SRFBP1: variants seen among roughly 807,000 people sequenced by gnomAD.
SRFBP1 encodes the protein serum response factor binding protein 1, also known as serum response factor-binding protein 1.
SRFBP1 carries 47 observed loss-of-function variants against 45.5 expected under a neutral mutation model. That is an observed-to-expected ratio of 1.03 (90% CI 0.82 to 1.32). The LOEUF (loss-of-function observed/expected upper bound fraction) is 1.32. Ranked by LOEUF, SRFBP1 falls within the 40% of genes most tolerant of loss-of-function variation. The probability of loss-of-function intolerance (pLI) is 0.00; values close to 1 mark genes in which losing one functional copy is unlikely to be tolerated. For synonymous variants in SRFBP1, 203 were observed against 166.3 expected, an observed-to-expected ratio of 1.22 and a Z score of -1.70; for missense variants, 621 against 484.6, an observed-to-expected ratio of 1.28 and a Z score of -2.64.
At chr5:122,058,147 A>G (rs572992218) in intron 2 of SRFBP1, among the ~76,000 whole-genome samples, 55 of 152,184 alleles carry the variant, frequency 3.6e-4, no homozygotes, top group Non-Finnish European at 6.6e-4. Context: ...TGATAGCATT[A>G]TAGGGTAATA....
At chr5:121,974,563 T>C (rs1326222789) in intron 2 of SRFBP1, among the ~76,000 whole-genome samples, 2 of 151,890 alleles carry the variant, frequency 1.3e-5, no homozygotes, top group African/African-American at 4.8e-5. Context: ...TCCCTTGGGC[T>C]TGTGTGTTTT....
intron 2 of SRFBP1, among the ~76,000 whole-genome samples, chr5:122,040,029 G>A (rs1753749450): frequency 6.6e-6 from 1 of 151,788 alleles, no homozygotes; most frequent in Non-Finnish European, 1.5e-5. Context: ...CCAGTAGCTT[G>A]GTTTATCCAT....
chr5:122,077,336 C>T (rs1295621371), downstream of SRFBP1: 3 of 1,613,388 alleles, frequency 1.9e-6, no homozygotes, highest in Non-Finnish European at 2.5e-6. The surrounding 1 kb of genome is among the most constrained non-coding windows in gnomAD (Gnocchi z 4.9). Flanking sequence ...GTGCTTCCAG[C>T]GGACTTGGGG....
intron 2 of SRFBP1, among the ~76,000 whole-genome samples, chr5:122,048,874 G>A (rs558877944): frequency 6.6e-6 from 1 of 152,234 alleles, no homozygotes; most frequent in South Asian, 2.1e-4. Context: ...TTGTCTTTCT[G>A]TGGGATCAGT....
At chr5:121,983,514 G>C (rs567738590) in intron 3 of SRFBP1, among the ~76,000 whole-genome samples, 145 of 151,840 alleles carry the variant, frequency 9.5e-4, no homozygotes, top group Admixed American at 1.4e-3. Context: ...CACTGTGAGA[G>C]ATAGGACTGT....
At position 122,020,443 on chromosome 5, in the gene SRFBP1, C is replaced by G. The variant is rs1312226622; in HGVS notation, c.708C>G (p.Asn236Lys). Residue 236 changes from asparagine (N) to lysine (K), a missense_variant, in exon 6 of 8, where the codon AAC (asparagine) becomes AAG (lysine). Transcript: ENST00000339397. ...AAACTCTAAGTCAAACCAAAAAAAA[C>G]AAAGGATCTGATAGCTCACTCTCTG... ...KLKTLSQTKK[N>K]KGSDSSLSGN... 1 of 1,613,930 alleles carries G rather than the reference C, an allele frequency of 6.2e-7. No homozygotes were observed. Among genetic ancestry groups the G allele is most frequent in the East Asian group, 2.2e-5 (1 of 44,862 alleles).
chr5:122,013,737 T>A (rs1753140876), intron 4 of SRFBP1, among the ~76,000 whole-genome samples: 1 of 152,176 alleles, frequency 6.6e-6, no homozygotes, highest in South Asian at 2.1e-4. Context: ...ACAAAAAGTC[T>A]GCTAACATTC....
intron 2 of SRFBP1, among the ~76,000 whole-genome samples, chr5:122,047,267 C>G (rs1182592120): frequency 1.3e-5 from 2 of 152,162 alleles, no homozygotes; most frequent in Non-Finnish European, 2.9e-5. Flanking sequence ...CTACATATGT[C>G]TAGCCAGTTT....
At chr5:122,025,226 C>T (rs1239362655) in intron 7 of SRFBP1, among the ~76,000 whole-genome samples, 1 of 151,930 alleles carries the variant, frequency 6.6e-6, no homozygotes, top group Non-Finnish European at 1.5e-5. Context: ...GTTTTTTGTC[C>T]TTGCGATGGT....
At chr5:122,031,287 G>A (rs1753584517), downstream of SRFBP1, among the ~76,000 whole-genome samples, 1 of 152,244 alleles carries the variant, frequency 6.6e-6, no homozygotes, top group African/African-American at 2.4e-5. Context: ...AGGAAAGGGA[G>A]TCTGATATAC....
downstream of SRFBP1, among the ~76,000 whole-genome samples, chr5:122,031,261 A>G (rs183981161): frequency 7.9e-5 from 12 of 152,332 alleles, no homozygotes; most frequent in East Asian, 1.9e-3. Flanking sequence ...TATAGCAACA[A>G]CAGCAAAACC....
rs1005495250 is a variant in SRFBP1 at position 122,070,667 on chromosome 5, A to T, written n.312-4648A>T. The T allele has an allele frequency of 9.8e-5, 71 of 727,712 alleles. 1 individual carries two copies. Among genetic ancestry groups the T allele is most frequent in the Non-Finnish European group, 1.4e-4 (59 of 431,176 alleles). 45.1% of individuals were successfully genotyped at this position (727,712 alleles called of 1,614,324 possible). A position where few individuals can be genotyped will look rare whatever the true frequency, so the allele number is the denominator to read the frequency against. On this transcript the variant is annotated intron_variant and non_coding_transcript_variant, in intron 2 of 2. Transcript: ENST00000504881. ...ATAAATAATATGCTATTATTTGCAA[A>T]TTAAATTTTAAGTTAGTACTTACAA...
intron 1 of SRFBP1, among the ~76,000 whole-genome samples, chr5:121,968,911 G>C (rs775227958): frequency 6.6e-6 from 1 of 152,024 alleles, no homozygotes; most frequent in Non-Finnish European, 1.5e-5. Flanking sequence ...AACAATACTA[G>C]CTCCTAGAAT....
intron 4 of SRFBP1, among the ~76,000 whole-genome samples, chr5:121,999,056 T>C (rs1419458074): frequency 6.6e-6 from 1 of 152,210 alleles, no homozygotes; most frequent in African/African-American, 2.4e-5. Flanking sequence ...TTTTTCTGGT[T>C]TCTTAATGTG....
intron 7 of SRFBP1, among the ~76,000 whole-genome samples, chr5:122,026,033 T>G (rs921509325): frequency 6.6e-6 from 1 of 152,170 alleles, no homozygotes; most frequent in Non-Finnish European, 1.5e-5. Flanking sequence ...GAGGTTGCAG[T>G]GAGCCAAGAT....
intron 2 of SRFBP1, among the ~76,000 whole-genome samples, chr5:121,974,840 T>G (rs1752269192): frequency 1.3e-5 from 2 of 151,918 alleles, no homozygotes; most frequent in Admixed American, 1.3e-4. Flanking sequence ...CATGAATACT[T>G]AGTCTTCAAG....
At chr5:122,029,125 A>G (rs938057349), downstream of SRFBP1, among the ~76,000 whole-genome samples, 10 of 147,428 alleles carry the variant, frequency 6.8e-5, no homozygotes, top group African/African-American at 1.7e-4. Context: ...TGCATAGTCA[A>G]GGGTTGGGGG....
chr5:121,993,729 T>A (rs1227213205), intron 3 of SRFBP1, among the ~76,000 whole-genome samples: 1 of 152,144 alleles, frequency 6.6e-6, no homozygotes, highest in Non-Finnish European at 1.5e-5. Context: ...TTAAATGCTT[T>A]TCATAAGTTT....
At chr5:121,972,862 A>T (rs932556447) in intron 1 of SRFBP1, among the ~76,000 whole-genome samples, 1 of 151,908 alleles carries the variant, frequency 6.6e-6, no homozygotes, top group Non-Finnish European at 1.5e-5. Context: ...AGAATAGATT[A>T]GGTCTTTAGA....
Sources: gnomAD v4.1 joint callset for allele counts (sites outside exome capture counted in the v4.1 genomes callset) on GRCh38, gnomAD v4.1.1 for gene constraint, Gnocchi (gnomAD v3.1) non-coding constraint, MANE v1.5 for transcripts, NCBI Gene and HGNC (gene_info 2026-07-23, HGNC 2026-07-21) for gene names.